The following EXO1 variants were observed in gnomAD, a reference collection of about 807,000 sequenced individuals.
EXO1 encodes exonuclease 1.
EXO1 carries 69 observed loss-of-function variants against 84.5 expected under a neutral mutation model. That is an observed-to-expected ratio of 0.82 (90% CI 0.67 to 1.00). EXO1 has a LOEUF of 1.00. Among genes scored for constraint, EXO1 ranks in the 50% least tolerant of loss-of-function variants. The pLI, the probability that EXO1 is intolerant of heterozygous loss-of-function variation, is 0.00. For missense variants in EXO1, 1,045 were observed against 1,000.7 expected, an observed-to-expected ratio of 1.04 and a Z score of -0.60; for synonymous variants, 373 against 366.1, an observed-to-expected ratio of 1.02 and a Z score of -0.21.
intron 6 of EXO1, 146 bp from the exon 7 acceptor site, chr1:241,857,198 GA>G: frequency 1.3e-6 from 1 of 755,526 alleles, no homozygotes; most frequent in Non-Finnish European, 2.3e-6. Context: ...ACTTACAGTA[GA>G]AAAACTCTAC....
chr1:241,857,300 T>G (rs1481122009), intron 6 of EXO1, 45 bp from the exon 7 acceptor site: 1 of 1,608,878 alleles, frequency 6.2e-7, no homozygotes, highest in African/African-American at 1.3e-5. Context: ...TGTTTAGTAC[T>G]TTCCAGATGC....
At chr1:241,859,915 C>G (rs970527218) in intron 8 of EXO1, among the ~76,000 whole-genome samples, 3 of 152,164 alleles carry the variant, frequency 2.0e-5, no homozygotes, top group Non-Finnish European at 2.9e-5. Context: ...GTCCTCAGGA[C>G]TAAGAGTGAT....
chr1:241,849,383 G>GT (rs2148369666), intron 3 of EXO1, among the ~76,000 whole-genome samples, 167 bp downstream of exon 3: 1 of 152,302 alleles, frequency 6.6e-6, no homozygotes, highest in South Asian at 2.1e-4. Context: ...GGTTGTGACA[G>GT]TTCCAGAATC....
intron 15 of EXO1, among the ~76,000 whole-genome samples, chr1:241,886,425 TA>T (rs1663073665): frequency 6.6e-6 from 1 of 152,194 alleles, no homozygotes; most frequent in East Asian, 1.9e-4. Context: ...ATGTGCTGTT[TA>T]ATAAAAGTTT....
chr1:241,871,585 A>G (rs533317447), intron 11 of EXO1, among the ~76,000 whole-genome samples: 3 of 152,346 alleles, frequency 2.0e-5, no homozygotes, highest in Non-Finnish European at 2.9e-5. Context: ...GACATTCACA[A>G]TATACATCAA....
In EXO1 at chr1:241,861,545, T is replaced by C. The variant is rs199816364; in HGVS notation, c.1041+43T>C. 5.9e-5 allele frequency: 60 copies of C among 1,023,920 alleles called. No homozygotes were observed. The East Asian group carries it at 1.4e-3, about 23-fold the overall frequency. 63.4% of individuals were successfully genotyped at this position (1,023,920 alleles called of 1,614,324 possible). A position where few individuals can be genotyped will look rare whatever the true frequency, so the allele number is the denominator to read the frequency against. On this transcript the variant is annotated intron_variant, in intron 10 of 15. Transcript: ENST00000366548. Reference sequence around the variant, plus strand: ...ACCCTATGAAAACACGTTTTAGTTATGTCCCGAGCTGTGATTAAAGGCAAA... The same window carrying C: ...ACCCTATGAAAACACGTTTTAGTTACGTCCCGAGCTGTGATTAAAGGCAAA...
At chr1:241,861,286 C>T in intron 9 of EXO1, 120 bp from the exon 10 acceptor site, 1 of 687,130 alleles carries the variant, frequency 1.5e-6, no homozygotes, top group Non-Finnish European at 2.6e-6. Flanking sequence ...AGTAAGGAGA[C>T]TCCATTTAAG....
chr1:241,871,586 T>C (rs1662092247), intron 11 of EXO1, among the ~76,000 whole-genome samples: 1 of 152,198 alleles, frequency 6.6e-6, no homozygotes, highest in African/African-American at 2.4e-5. Context: ...ACATTCACAA[T>C]ATACATCAAA....
chr1:241,878,860 T>C lies in EXO1; in HGVS notation c.1626T>C (p.Tyr542=). The C allele has an allele frequency of 5.6e-6, 9 of 1,614,044 alleles. No homozygotes were observed. Among genetic ancestry groups the C allele is most frequent in the Non-Finnish European group, 7.6e-6 (9 of 1,179,924 alleles). Reference sequence around the variant, plus strand: ...AGAACAATCTGCATGAATCAGAGTATGGAGACCAAGAAGGCAAGAGACTGG... The same window carrying C: ...AGAACAATCTGCATGAATCAGAGTACGGAGACCAAGAAGGCAAGAGACTGG... ...DKENNLHESE[Y]GDQEGKRLVD... The change falls in exon 13 of 16, where the codon TAT becomes TAC. Residue 542 remains tyrosine (Y), a synonymous_variant. Transcript: ENST00000366548.
intron 13 of EXO1, among the ~76,000 whole-genome samples, chr1:241,880,041 G>A (rs1662663720): frequency 6.6e-6 from 1 of 151,530 alleles, no homozygotes; most frequent in African/African-American, 2.4e-5. Flanking sequence ...ACCTTATAAG[G>A]AAATAACCCT....
At chr1:241,868,386 A>G (rs1488119431) in intron 11 of EXO1, among the ~76,000 whole-genome samples, 1 of 151,864 alleles carries the variant, frequency 6.6e-6, no homozygotes, top group East Asian at 1.9e-4. Context: ...AAAAAAAAAA[A>G]AAAAAAAAAA....
In EXO1 at chr1:241,877,843, A is replaced by T. The variant is rs112787457; in HGVS notation, c.1515-906A>T. Among the ~76,000 whole-genome samples the T allele has an allele frequency of 5.4e-3, 822 of 152,316 alleles. 6 individuals are homozygous for T. The highest frequency in any genetic ancestry group is 0.019 in the African/African-American group (784 of 41,568). On this transcript the variant is annotated intron_variant, in intron 12 of 15. Coordinates refer to ENST00000366548, the MANE Select transcript of EXO1 (RefSeq NM_130398.4). ...AAGAGTATAGAAGTTTATAGGGTATATAACAAGCTGGTAGATTAGTATACT... is the reference window on the plus strand; with the variant it reads ...AAGAGTATAGAAGTTTATAGGGTATTTAACAAGCTGGTAGATTAGTATACT...
chr1:241,874,905 C>T (rs1402819510), intron 12 of EXO1, among the ~76,000 whole-genome samples: 2 of 152,180 alleles, frequency 1.3e-5, no homozygotes, highest in Non-Finnish European at 2.9e-5. Flanking sequence ...GTGATCTAGG[C>T]ATGATAGAGT....
At chr1:241,865,149 T>C (rs975433869) in intron 10 of EXO1, among the ~76,000 whole-genome samples, 1 of 150,968 alleles carries the variant, frequency 6.6e-6, no homozygotes, top group African/African-American at 2.4e-5. Flanking sequence ...AGGTTACACA[T>C]GTGGAGCCAC....
rs1448369445 is a variant in EXO1, at chr1:241,881,972, A to G, written c.2166A>G (p.Leu722=). ...LDSQSDQTSK[L]RLSHFSKKDT... is the part of the protein sequence containing the mutation. The stretch of plus-strand genomic sequence containing the variant: ...GTCAAAGTGACCAGACCTCCAAGCT[A>G]CGTTTATCTCATTTCTCAAAAAAAG... Residue 722 remains leucine, a synonymous_variant, in exon 14 of 16, where the codon CTA becomes CTG. Coordinates refer to ENST00000366548, the MANE Select transcript of EXO1 (RefSeq NM_130398.4). 3 of 1,585,894 alleles carry G rather than the reference A, an allele frequency of 1.9e-6. No individual in the cohort carries two copies. Among genetic ancestry groups the G allele is most frequent in the East Asian group, 2.2e-5 (1 of 44,594 alleles).
At chr1:241,878,152 A>G (rs1662505941) in intron 12 of EXO1, among the ~76,000 whole-genome samples, 1 of 152,198 alleles carries the variant, frequency 6.6e-6, no homozygotes, top group Non-Finnish European at 1.5e-5. Flanking sequence ...GATTAGGTAT[A>G]AATAAAGTAC....
intron 6 of EXO1, among the ~76,000 whole-genome samples, chr1:241,854,239 G>A (rs1425821745): frequency 6.6e-6 from 1 of 152,194 alleles, no homozygotes; most frequent in Non-Finnish European, 1.5e-5. Context: ...CCGGGTTAAA[G>A]CGATTCTCCT....
intron 4 of EXO1, among the ~76,000 whole-genome samples, chr1:241,851,598 T>C (rs944704937): frequency 2.0e-5 from 3 of 152,214 alleles, no homozygotes; most frequent in Non-Finnish European, 1.5e-5. Flanking sequence ...TGACCCTTGA[T>C]TGGATCCTGG....
intron 7 of EXO1, 99 bp from the exon 8 acceptor site, chr1:241,858,407 T>A: frequency 1.3e-6 from 1 of 757,896 alleles, no homozygotes; most frequent in Middle Eastern, 2.4e-4. Context: ...TTCAGTGTTA[T>A]GGTGAAGAAC....
Sources: gnomAD v4.1 joint callset for allele counts (sites outside exome capture counted in the v4.1 genomes callset) on GRCh38, gnomAD v4.1.1 for gene constraint, MANE v1.5 for transcripts, NCBI Gene and HGNC (gene_info 2026-07-23, HGNC 2026-07-21) for gene names.